The following HIVEP3 variants were observed in gnomAD, a reference collection of about 807,000 sequenced individuals.
HIVEP3 encodes transcription factor HIVEP3.
HIVEP3 carries 49 observed loss-of-function variants against 152.8 expected under a neutral mutation model. That is an observed-to-expected ratio of 0.32 (90% confidence interval 0.26 to 0.41). The LOEUF is 0.41. Among genes scored for constraint, HIVEP3 ranks in the 10% least tolerant of loss-of-function variants. The probability of loss-of-function intolerance (pLI) is 1.00; values close to 1 mark genes in which losing one functional copy is unlikely to be tolerated. For synonymous variants in HIVEP3, 1,269 were observed against 1,289.0 expected (o/e 0.98, Z 0.33); for missense variants, 2,790 against 3,103.3 (o/e 0.90, Z 2.40).
At chr1:41,622,534 A>G (rs1645061265) in intron 3 of HIVEP3, among the ~76,000 whole-genome samples, 1 of 152,160 alleles carries the variant, frequency 6.6e-6, no homozygotes, top group African/African-American at 2.4e-5. Flanking sequence ...CTGGAACACA[A>G]CCACGCCCAT....
intron 1 of HIVEP3, among the ~76,000 whole-genome samples, chr1:41,980,343 G>A (rs1342149876): frequency 6.6e-6 from 1 of 152,100 alleles, no homozygotes; most frequent in Non-Finnish European, 1.5e-5. Context: ...AACAAAACAA[G>A]GGATATTCAT....
At chr1:41,945,644 C>T (rs537987946) in intron 1 of HIVEP3, among the ~76,000 whole-genome samples, 4 of 152,280 alleles carry the variant, frequency 2.6e-5, no homozygotes, top group East Asian at 1.9e-4. Flanking sequence ...TGTAGACCCT[C>T]ACTGGGACAC....
intron 2 of HIVEP3, among the ~76,000 whole-genome samples, chr1:41,656,175 A>G (rs1645626020): frequency 6.6e-6 from 1 of 152,124 alleles, no homozygotes; most frequent in Non-Finnish European, 1.5e-5. Context: ...CACATAATCA[A>G]TTCCAACAGA....
chr1:42,029,392 C>T (rs72672735), intron 1 of HIVEP3, among the ~76,000 whole-genome samples: 2,244 of 152,278 alleles, frequency 0.015, 47 homozygotes, highest in African/African-American at 0.051. Flanking sequence ...TACCTCCTAC[C>T]ATTATTCTTA....
At chr1:41,644,239 G>A (rs142002713) in intron 2 of HIVEP3, among the ~76,000 whole-genome samples, 344 of 152,176 alleles carry the variant, frequency 2.3e-3, no homozygotes, top group African/African-American at 8.0e-3. Context: ...TTCCCTGTCA[G>A]GCTGTGGCCA....
chr1:41,999,563 T>C (rs868023806), intron 1 of HIVEP3, among the ~76,000 whole-genome samples: 1 of 152,102 alleles, frequency 6.6e-6, no homozygotes, highest in African/African-American at 2.4e-5. Flanking sequence ...ACTTGGACAA[T>C]TGAGTATAAC....
intron 2 of HIVEP3, among the ~76,000 whole-genome samples, chr1:41,659,790 G>A (rs916134562): frequency 3.9e-5 from 6 of 152,216 alleles, no homozygotes; most frequent in East Asian, 1.9e-4. Flanking sequence ...GAGGAAATGC[G>A]GCGTTGGGTT....
intron 1 of HIVEP3, among the ~76,000 whole-genome samples, chr1:41,806,992 G>C (rs908105875): frequency 1.4e-5 from 2 of 147,658 alleles, no homozygotes; most frequent in Non-Finnish European, 3.0e-5. Flanking sequence ...AGCAGTGGGG[G>C]CCACAGGGTG....
At chr1:41,537,539 C>T (rs536333667) in intron 5 of HIVEP3, among the ~76,000 whole-genome samples, 5 of 152,312 alleles carry the variant, frequency 3.3e-5, no homozygotes, top group South Asian at 4.1e-4. Flanking sequence ...CGCAGTGACA[C>T]GCTGCTCTTC....
At chr1:41,522,795 T>C (rs1481554625) in intron 6 of HIVEP3, among the ~76,000 whole-genome samples, 1 of 152,054 alleles carries the variant, frequency 6.6e-6, no homozygotes, top group Non-Finnish European at 1.5e-5. Flanking sequence ...AAACTTCCAG[T>C]CTCACGCGGC....
intron 3 of HIVEP3, among the ~76,000 whole-genome samples, chr1:41,605,373 GCGCACACACACACA>G (rs1487499380): frequency 1.9e-5 from 2 of 106,758 alleles, no homozygotes; most frequent in East Asian, 5.2e-4. Flanking sequence ...ACACGCACAC[GCGCACACACACACA>G]CACACACACA....
At chr1:41,608,888 T>G (rs568528595) in intron 3 of HIVEP3, among the ~76,000 whole-genome samples, 1 of 144,072 alleles carries the variant, frequency 6.9e-6, no homozygotes, top group South Asian at 2.2e-4. Context: ...CCTGACCACA[T>G]GGTGAAACCC....
rs142011427 is a variant in HIVEP3 at position 41,648,146 on chromosome 1, G to A, written c.-720-19199C>T. On this transcript the variant is annotated intron_variant, in intron 2 of 8. Transcript: ENST00000372583. ...CATTTGCTGAAATATATAGACCAACGAATGCCCGGGCCTCACCATCCATAC... is the reference window on the plus strand; with the variant it reads ...CATTTGCTGAAATATATAGACCAACAAATGCCCGGGCCTCACCATCCATAC... Among the ~76,000 whole-genome samples, 14 of 152,282 alleles carry A rather than the reference G, an allele frequency of 9.2e-5. No homozygotes were observed. In the South Asian group the frequency reaches 1.7e-3, roughly 18 times the overall value.
intron 1 of HIVEP3, among the ~76,000 whole-genome samples, chr1:41,795,266 T>C (rs565495875): frequency 1.3e-5 from 2 of 152,282 alleles, no homozygotes; most frequent in East Asian, 1.9e-4. Context: ...TTTTGAAGAG[T>C]CCTGGTACAG....
In HIVEP3 at chr1:41,753,881, A is replaced by T. The variant is rs902274958; in HGVS notation, c.-800-52886T>A. On this transcript the variant is annotated intron_variant, in intron 1 of 8. Transcript: ENST00000372583. Reference sequence around the variant, plus strand: ...CAAAATCTCTGTCCTCTGGGAGGGGAGACAACCAGGGAACCAGTAAGCAAG... The same window carrying T: ...CAAAATCTCTGTCCTCTGGGAGGGGTGACAACCAGGGAACCAGTAAGCAAG... Among the ~76,000 whole-genome samples the T allele has an allele frequency of 2.6e-5, 4 of 152,126 alleles. No individual in the cohort carries two copies. In the South Asian group the frequency reaches 6.2e-4, roughly 24 times the overall value.
intron 3 of HIVEP3, among the ~76,000 whole-genome samples, chr1:41,586,573 T>A (rs1419497092): frequency 7.5e-6 from 1 of 132,766 alleles, no homozygotes; most frequent in East Asian, 1.9e-4. Context: ...CATCCTGCCC[T>A]CAGGCTCCCC....
At chr1:41,788,651 T>C (rs1033934747) in intron 1 of HIVEP3, among the ~76,000 whole-genome samples, 3 of 152,254 alleles carry the variant, frequency 2.0e-5, no homozygotes, top group Admixed American at 1.3e-4. Flanking sequence ...AGGTAATCAG[T>C]GCCCTGGCCT....
chr1:41,545,033 C>CA (rs1643699751), intron 5 of HIVEP3, among the ~76,000 whole-genome samples: 1 of 91,112 alleles, frequency 1.1e-5, no homozygotes. Context: ...CCACCACCAC[C>CA]ACCAATACCA....
At chr1:41,676,973 A>G (rs1645966707) in intron 2 of HIVEP3, among the ~76,000 whole-genome samples, 1 of 152,232 alleles carries the variant, frequency 6.6e-6, no homozygotes, top group Non-Finnish European at 1.5e-5. Context: ...TCCACCCTGC[A>G]GAGTCACTGT....
Sources: gnomAD v4.1 joint callset for allele counts (sites outside exome capture counted in the v4.1 genomes callset) on GRCh38, gnomAD v4.1.1 for gene constraint, MANE v1.5 for transcripts, NCBI Gene and HGNC (gene_info 2026-07-23, HGNC 2026-07-21) for gene names.